Variants in DENND2A observed in about 807,000 individuals in gnomAD.
DENND2A encodes DENN domain containing 2A.
A neutral mutation model predicts 105.3 loss-of-function variants in DENND2A; 53 were observed. That is an observed-to-expected ratio of 0.50 (90% CI 0.40 to 0.63). DENND2A has a LOEUF of 0.63. Among genes scored for constraint, DENND2A ranks in the 30% least tolerant of loss-of-function variants. The pLI is 0.00. For missense variants in DENND2A, 1,138 were observed against 1,279.6 expected (o/e 0.89, Z 1.69); for synonymous variants, 522 against 508.4 (o/e 1.03, Z -0.36).
At position 140,600,333 on chromosome 7, in the gene DENND2A, T is replaced by C. The variant is rs535479244; in HGVS notation, c.995+1070A>G. The stretch of plus-strand genomic sequence containing the variant: ...AGCATGACATTGACATTTAAAGCCA[T>C]GGGACTGGATGAGATCATTTAGGGA... On this transcript the variant is annotated intron_variant, in intron 3 of 19. Coordinates refer to ENST00000496613, the MANE Select transcript of DENND2A (RefSeq NM_015689.5). 2.0e-3 allele frequency among the ~76,000 whole-genome samples: 298 copies of C among 152,058 alleles called. 1 individual carries two copies. Among genetic ancestry groups the C allele is most frequent in the African/African-American group, 6.8e-3 (283 of 41,486 alleles).
chr7:140,608,057 A>G (rs1192866279), intron 1 of DENND2A, among the ~76,000 whole-genome samples: 2 of 152,226 alleles, frequency 1.3e-5, no homozygotes, highest in Non-Finnish European at 2.9e-5. Context: ...AAAAGGAAAA[A>G]AGGCCACTGT....
Position 140,522,677 on chromosome 7 carries a change from C to T in DENND2A, c.2666-577G>A, listed in dbSNP as rs370658997. On this transcript the variant is annotated intron_variant, in intron 17 of 19. Transcript: ENST00000496613. ...AGGCTGGAGTGCAGTGGTGTGATCT[C>T]GGTCCACTGCAACCTCTGCCTCCTA... is the stretch of plus-strand genomic sequence containing the variant. Among the ~76,000 whole-genome samples the T allele has an allele frequency of 7.6e-4, 111 of 146,424 alleles. 3 individuals are homozygous for T. In the South Asian group the frequency reaches 0.024, roughly 31 times the overall value.
At chr7:140,547,051 C>G in intron 12 of DENND2A, 112 bp from the exon 13 acceptor site, 1 of 1,386,932 alleles carries the variant, frequency 7.2e-7, no homozygotes, top group Non-Finnish European at 9.7e-7. Context: ...TGGGGAAGCC[C>G]TGCTTTCCCC....
intron 1 of DENND2A, among the ~76,000 whole-genome samples, chr7:140,636,758 A>G (rs1476354430): frequency 6.9e-6 from 1 of 145,306 alleles, no homozygotes; most frequent in Non-Finnish European, 1.5e-5. Context: ...GCACAATCAT[A>G]GCTCCCTGCA....
Position 140,591,457 on chromosome 7 carries a change from C to G in DENND2A, c.996-3677G>C, listed in dbSNP as rs144141452. Among the ~76,000 whole-genome samples, 227 of 152,198 alleles carry G rather than the reference C, an allele frequency of 1.5e-3. 3 individuals carry two copies. The highest frequency in any genetic ancestry group is 5.3e-3 in the African/African-American group (221 of 41,506). ...CTATGCAGGAAGTCTGAAAGGCAAACAAATTAACATGAGGTACAGTCCATA... is the reference window on the plus strand; with the variant it reads ...CTATGCAGGAAGTCTGAAAGGCAAAGAAATTAACATGAGGTACAGTCCATA... On this transcript the variant is annotated intron_variant, in intron 3 of 19. Coordinates refer to ENST00000496613, the MANE Select transcript of DENND2A (RefSeq NM_015689.5).
chr7:140,552,100 C>G (rs556658803), intron 12 of DENND2A, among the ~76,000 whole-genome samples: 1 of 152,308 alleles, frequency 6.6e-6, no homozygotes, highest in African/African-American at 2.4e-5. Flanking sequence ...AGCATTCTGA[C>G]AACAACAAAG....
At chr7:140,550,493 G>T (rs1017281719) in intron 12 of DENND2A, among the ~76,000 whole-genome samples, 2 of 152,116 alleles carry the variant, frequency 1.3e-5, no homozygotes, top group Non-Finnish European at 2.9e-5. Context: ...GCTAATTTTT[G>T]TATTTTTAGT....
intron 14 of DENND2A, among the ~76,000 whole-genome samples, chr7:140,541,394 C>T (rs965594112): frequency 2.0e-5 from 3 of 152,096 alleles, no homozygotes; most frequent in East Asian, 3.9e-4. Flanking sequence ...CCCGCAGGCA[C>T]GTTCCCGGGG....
chr7:140,631,045 T>C (rs1000033141), intron 1 of DENND2A, among the ~76,000 whole-genome samples: 4 of 152,142 alleles, frequency 2.6e-5, no homozygotes, highest in Non-Finnish European at 1.5e-5. Context: ...TTTTGACAAG[T>C]GGCGCAGATT....
At chr7:140,575,312 T>G (rs1350717032) in intron 5 of DENND2A, among the ~76,000 whole-genome samples, 1 of 152,166 alleles carries the variant, frequency 6.6e-6, no homozygotes, top group African/African-American at 2.4e-5. Flanking sequence ...GAAAATTTGA[T>G]AGCTCACTCT....
In DENND2A at chr7:140,614,973, C is replaced by T. The variant is rs936159328; in HGVS notation, c.-247-9167G>A. Among the ~76,000 whole-genome samples the T allele has an allele frequency of 6.6e-5, 10 of 152,266 alleles. No homozygotes were observed. In the East Asian group the frequency reaches 1.2e-3, roughly 18 times the overall value. On this transcript the variant is annotated intron_variant, in intron 1 of 19. Transcript: ENST00000496613. ...CCCTGGGCTCAGGTGATCTTCCTAC[C>T]TCAGCTCCCTACCGCCCCAGGTAGC...
At chr7:140,541,505 C>G (rs1047934384) in intron 14 of DENND2A, among the ~76,000 whole-genome samples, 1 of 152,212 alleles carries the variant, frequency 6.6e-6, no homozygotes, top group Non-Finnish European at 1.5e-5. Flanking sequence ...TTCCCCTCCC[C>G]CACATCCAAG....
intron 1 of DENND2A, among the ~76,000 whole-genome samples, chr7:140,621,639 T>C (rs1181598426): frequency 6.6e-6 from 1 of 152,196 alleles, no homozygotes; most frequent in African/African-American, 2.4e-5. Context: ...TTGCAACTAA[T>C]ATTTGTGCCT....
chr7:140,635,176 T>A (rs1800878154), intron 1 of DENND2A, among the ~76,000 whole-genome samples: 1 of 151,744 alleles, frequency 6.6e-6, no homozygotes, highest in South Asian at 2.1e-4. Context: ...GGCAGCAGGA[T>A]CCCTTGAGCC....
chr7:140,579,977 C>T (rs535335883), intron 5 of DENND2A, among the ~76,000 whole-genome samples: 2 of 151,862 alleles, frequency 1.3e-5, no homozygotes, highest in Non-Finnish European at 2.9e-5. Flanking sequence ...ACTAAAAATA[C>T]AAAAAAATTA....
At chr7:140,557,524 TA>T (rs1797415710) in intron 11 of DENND2A, among the ~76,000 whole-genome samples, 24 of 31,360 alleles carry the variant, frequency 7.7e-4, no homozygotes, top group Non-Finnish European at 1.4e-3. Flanking sequence ...TATATATATA[TA>T]TATATATTTT....
chr7:140,601,921 C>A lies in DENND2A; in HGVS notation c.477G>T (p.Val159=). Residue 159 remains valine (V), a synonymous_variant, in exon 3 of 20, where the codon GTG becomes GTT. Coordinates refer to ENST00000496613, the MANE Select transcript of DENND2A (RefSeq NM_015689.5). ...GCTCGAGTTTCTTGACCTGCTTCAG[C>A]ACGGAGAGGGGATCGTTCTGAAAGC... ...KLRFQNDPLS[V]LKQVKKLEQA... 6.2e-7 allele frequency: 1 copy of A among 1,614,202 alleles called. No individual in the cohort carries two copies. Among genetic ancestry groups the A allele is most frequent in the Middle Eastern group, 1.6e-4 (1 of 6,062 alleles).
chr7:140,589,716 A>T (rs891041698), intron 3 of DENND2A, among the ~76,000 whole-genome samples: 1 of 152,122 alleles, frequency 6.6e-6, no homozygotes, highest in Non-Finnish European at 1.5e-5. Context: ...CGCACCTCAA[A>T]TTCCTGGGCT....
At chr7:140,588,410 T>C (rs944880018) in intron 3 of DENND2A, among the ~76,000 whole-genome samples, 5 of 152,126 alleles carry the variant, frequency 3.3e-5, no homozygotes, top group African/African-American at 1.2e-4. Context: ...ACAGGGACTG[T>C]CTATACTATT....
Sources: allele counts gnomAD v4.1 joint callset (sites outside exome capture counted in the v4.1 genomes callset), GRCh38; gene constraint gnomAD v4.1.1; transcripts MANE v1.5; gene names NCBI Gene and HGNC (gene_info 2026-07-23, HGNC 2026-07-21).